Variants in EPB41L2 observed in about 807,000 individuals in gnomAD.
EPB41L2 encodes the protein erythrocyte membrane protein band 4.1 like 2, also known as band 4.1-like protein 2.
Under a neutral mutation model 113.0 loss-of-function variants are expected in EPB41L2, and 43 were observed. The observed-to-expected ratio is 0.38, with a 90% CI of 0.30 to 0.49. The LOEUF is 0.49. EPB41L2 is among the 20% of genes least tolerant of loss of function. The pLI, the probability that EPB41L2 is intolerant of heterozygous loss-of-function variation, is 0.95. For missense variants in EPB41L2, 1,147 were observed against 1,223.4 expected, an observed-to-expected ratio of 0.94 and a Z score of 0.93; for synonymous variants, 442 against 436.7, an observed-to-expected ratio of 1.01 and a Z score of -0.15.
chr6:131,053,572 G>C (rs1362414545), intron 1 of EPB41L2, among the ~76,000 whole-genome samples: 1 of 152,154 alleles, frequency 6.6e-6, no homozygotes, highest in Non-Finnish European at 1.5e-5. Context: ...CAAGAACAGG[G>C]AGGAGGAGGT....
intron 16 of EPB41L2, chr6:130,865,880 G>A: frequency 2.4e-6 from 1 of 420,718 alleles, no homozygotes; most frequent in East Asian, 3.9e-5. Context: ...CATAGTAGGT[G>A]GGACTGAAAG....
intron 1 of EPB41L2, among the ~76,000 whole-genome samples, chr6:130,979,729 A>G (rs1489935998): frequency 6.6e-6 from 1 of 152,144 alleles, no homozygotes; most frequent in Non-Finnish European, 1.5e-5. Flanking sequence ...GAGACTTCCA[A>G]ACAAAGTAAG....
intron 1 of EPB41L2, among the ~76,000 whole-genome samples, chr6:131,050,462 T>C (rs941806766): frequency 6.6e-6 from 1 of 152,220 alleles, no homozygotes; most frequent in South Asian, 2.1e-4. Flanking sequence ...TCTAAATCTC[T>C]AAAACCCACT....
At chr6:130,897,854 A>G (rs905869288) in intron 8 of EPB41L2, among the ~76,000 whole-genome samples, 1 of 152,186 alleles carries the variant, frequency 6.6e-6, no homozygotes, top group Admixed American at 6.5e-5. Context: ...TGTTTTATGT[A>G]GCTGTAAAAT....
chr6:130,965,926 T>C (rs1358472446), intron 1 of EPB41L2, among the ~76,000 whole-genome samples: 1 of 152,066 alleles, frequency 6.6e-6, no homozygotes, highest in African/African-American at 2.4e-5. Context: ...CTGCTTGTGG[T>C]AATGCAGGGG....
rs148141488 is a variant in EPB41L2 at position 131,012,593 on chromosome 6, C to G, written c.-15+50562G>C. 1.5e-3 allele frequency among the ~76,000 whole-genome samples: 222 copies of G among 151,010 alleles called. 1 individual carries two copies. Among genetic ancestry groups the G allele is most frequent in the Non-Finnish European group, 2.5e-3 (170 of 67,856 alleles). On this transcript the variant is annotated intron_variant, in intron 1 of 19. Transcript: ENST00000337057. Reference sequence around the variant, plus strand: ...ATATTGAGATGAGAAAAAGATTATGCCATATTGGTCTACTGCCTGCATTTT... The same window carrying G: ...ATATTGAGATGAGAAAAAGATTATGGCATATTGGTCTACTGCCTGCATTTT...
intron 1 of EPB41L2, among the ~76,000 whole-genome samples, chr6:131,010,795 G>T (rs1273615045): frequency 6.6e-6 from 1 of 152,132 alleles, no homozygotes; most frequent in African/African-American, 2.4e-5. Context: ...TCATTCTTCA[G>T]CTTGGAGCAA....
intron 1 of EPB41L2, among the ~76,000 whole-genome samples, chr6:130,980,964 AAATAAAAACC>A (rs1238690732): frequency 6.6e-6 from 1 of 152,176 alleles, no homozygotes; most frequent in Non-Finnish European, 1.5e-5. Context: ...CTTGAATGGC[AAATAAAAACC>A]AATTAAAATC....
At chr6:130,946,333 T>C (rs1420549790) in intron 3 of EPB41L2, among the ~76,000 whole-genome samples, 4 of 152,166 alleles carry the variant, frequency 2.6e-5, no homozygotes, top group African/African-American at 9.6e-5. Flanking sequence ...TTAACTATAA[T>C]CATCATTTAA....
intron 1 of EPB41L2, among the ~76,000 whole-genome samples, chr6:131,053,542 C>T (rs2128201734): frequency 6.6e-6 from 1 of 152,082 alleles, no homozygotes; most frequent in African/African-American, 2.4e-5. Flanking sequence ...GCTCCACAGC[C>T]CTTCGTATTT....
intron 14 of EPB41L2, among the ~76,000 whole-genome samples, chr6:130,873,398 G>C (rs1038191025): frequency 6.6e-6 from 1 of 151,832 alleles, no homozygotes; most frequent in African/African-American, 2.4e-5. Flanking sequence ...CAATATTCAA[G>C]AGTCATCATG....
intron 14 of EPB41L2, among the ~76,000 whole-genome samples, chr6:130,877,621 T>C (rs1787978988): frequency 1.3e-5 from 2 of 152,194 alleles, no homozygotes; most frequent in Non-Finnish European, 1.5e-5. Flanking sequence ...ATATTATATA[T>C]AATATTTTTC....
At chr6:131,062,758 C>G (rs1798940706) in intron 1 of EPB41L2, among the ~76,000 whole-genome samples, 1 of 151,948 alleles carries the variant, frequency 6.6e-6, no homozygotes, top group African/African-American at 2.4e-5. Flanking sequence ...GTGACCTGAG[C>G]CCACGGCACC....
intron 6 of EPB41L2, 97 bp from the exon 7 acceptor site, chr6:130,901,277 A>G: frequency 1.0e-6 from 1 of 990,078 alleles, no homozygotes; most frequent in East Asian, 2.5e-5. Flanking sequence ...TTGAAAACAA[A>G]TATACAATAT....
chr6:131,020,638 C>A (rs1437143625), intron 1 of EPB41L2, among the ~76,000 whole-genome samples: 2 of 152,086 alleles, frequency 1.3e-5, no homozygotes, highest in East Asian at 3.8e-4. Flanking sequence ...TGAGAGATGC[C>A]AATCAATAAT....
intron 1 of EPB41L2, among the ~76,000 whole-genome samples, chr6:130,993,070 T>G (rs929681190): frequency 6.6e-6 from 1 of 152,158 alleles, no homozygotes; most frequent in African/African-American, 2.4e-5. Context: ...CAAAGATAGC[T>G]CCTTAAATCA....
chr6:131,061,058 C>T (rs1026695811), intron 1 of EPB41L2, among the ~76,000 whole-genome samples: 17 of 152,150 alleles, frequency 1.1e-4, no homozygotes, highest in Admixed American at 6.5e-4. Flanking sequence ...AATTCATCCA[C>T]GAATTTTCTT....
At chr6:130,870,150 G>C (rs760560635) in intron 14 of EPB41L2, 24 bp from the exon 15 acceptor site, 2 of 1,572,836 alleles carry the variant, frequency 1.3e-6, no homozygotes, top group Non-Finnish European at 1.7e-6. Flanking sequence ...GATGGATGAG[G>C]GAAAACAAAA....
At chr6:130,861,874 C>CCAA (rs1554238944) in intron 18 of EPB41L2, among the ~76,000 whole-genome samples, 1 of 120,676 alleles carries the variant, frequency 8.3e-6, no homozygotes, top group Non-Finnish European at 1.7e-5. Context: ...TCCATCTCCC[C>CCAA]AAAAAAAAAA....
Sources: gnomAD v4.1 joint callset for allele counts (sites outside exome capture counted in the v4.1 genomes callset) on GRCh38, gnomAD v4.1.1 for gene constraint, MANE v1.5 for transcripts, NCBI Gene and HGNC (gene_info 2026-07-23, HGNC 2026-07-21) for gene names.